PPP3CC: variants seen among roughly 807,000 people sequenced by gnomAD.
PPP3CC encodes the protein serine/threonine-protein phosphatase 2B catalytic subunit gamma isoform.
A neutral mutation model predicts 60.3 loss-of-function variants in PPP3CC; 35 were observed. The observed-to-expected ratio is 0.58, with a 90% CI of 0.44 to 0.77. PPP3CC has a LOEUF of 0.77. Ranked by LOEUF, PPP3CC falls within the 30% of genes least tolerant of loss-of-function variation. The pLI is 0.00. For missense variants in PPP3CC, 570 were observed against 628.9 expected (o/e 0.91, Z 1.00); for synonymous variants, 206 against 224.3 (o/e 0.92, Z 0.73).
chr8:22,540,841 A>C lies in PPP3CC; in HGVS notation c.*39A>C. 2.4e-5 allele frequency: 35 copies of C among 1,470,884 alleles called. No homozygotes were observed. The highest frequency in any genetic ancestry group is 2.7e-5 in the Non-Finnish European group (30 of 1,101,954). The allele number at this position is 1,470,884 out of a possible 1,614,324, so 91.1% of individuals were successfully genotyped here. On this transcript the variant is annotated 3_prime_UTR_variant, in exon 14 of 14. Transcript: ENST00000240139. Reference sequence around the variant, plus strand: ...CGTGGCTCAGGTGGATCTAAAACTCAAGAACAAATTCTATTTATTTATTAT... The same window carrying C: ...CGTGGCTCAGGTGGATCTAAAACTCCAGAACAAATTCTATTTATTTATTAT...
chr8:22,463,789 CTTT>C (rs903248905), intron 1 of PPP3CC, among the ~76,000 whole-genome samples: 4 of 140,648 alleles, frequency 2.8e-5, no homozygotes, highest in Non-Finnish European at 4.7e-5. Context: ...TGTATGTTTT[CTTT>C]TTTTTTTTTT....
intron 3 of PPP3CC, among the ~76,000 whole-genome samples, chr8:22,490,507 G>T (rs376715883): frequency 3.3e-5 from 5 of 152,026 alleles, no homozygotes; most frequent in African/African-American, 1.2e-4. Flanking sequence ...CAACGTGCAG[G>T]TTTGTTACAT....
intron 6 of PPP3CC, among the ~76,000 whole-genome samples, chr8:22,515,637 G>T (rs898549238): frequency 3.9e-5 from 6 of 152,090 alleles, no homozygotes; most frequent in Non-Finnish European, 4.4e-5. Flanking sequence ...ATTTGTCATT[G>T]CCTGTCTTTT....
intron 13 of PPP3CC, 152 bp downstream of exon 13, chr8:22,539,650 G>A (rs1839916727): frequency 1.3e-6 from 1 of 780,814 alleles, no homozygotes; most frequent in East Asian, 2.8e-5. Context: ...TAACGAAGCA[G>A]GTGTTTCCTT....
chr8:22,539,371 C>CGG, intron 12 of PPP3CC, 98 bp from the exon 13 acceptor site: 1 of 1,272,942 alleles, frequency 7.9e-7, no homozygotes. Flanking sequence ...GGCTAAAAAA[C>CGG]GGGCCCCTGG....
At chr8:22,487,215 T>C (rs757441661) in intron 3 of PPP3CC, among the ~76,000 whole-genome samples, 9 of 152,190 alleles carry the variant, frequency 5.9e-5, no homozygotes, top group Non-Finnish European at 1.2e-4. Context: ...TTCTCACACA[T>C]GAAGTAACTG....
At chr8:22,457,830 G>T (rs1010743108) in intron 1 of PPP3CC, among the ~76,000 whole-genome samples, 4 of 152,244 alleles carry the variant, frequency 2.6e-5, no homozygotes, top group African/African-American at 7.2e-5. Flanking sequence ...AGTGGCTTAC[G>T]CCTGTAATCC....
chr8:22,527,510 G>C lies in PPP3CC; in HGVS notation c.1062G>C (p.Gly354=). 2 of 1,613,602 alleles carry C rather than the reference G, an allele frequency of 1.2e-6. No individual in the cohort carries two copies. Among genetic ancestry groups the C allele is most frequent in the Non-Finnish European group, 1.7e-6 (2 of 1,179,844 alleles). ...DVFTWSLPFV[G]EKVTEMLVNV... ...TCACATGGTCTTTGCCTTTTGTTGG[G>C]GAAAAAGGTAAGAGAACTAAAGCAC... The change falls in exon 9 of 14, where the codon GGG becomes GGC. Residue 354 remains glycine (G), a synonymous_variant. Coordinates refer to ENST00000240139, the MANE Select transcript of PPP3CC (RefSeq NM_005605.5).
At chr8:22,460,783 C>T (rs1031481554) in intron 1 of PPP3CC, among the ~76,000 whole-genome samples, 1 of 152,084 alleles carries the variant, frequency 6.6e-6, no homozygotes, top group East Asian at 1.9e-4. Context: ...AGCTGCACAC[C>T]ATCCAGCCTG....
chr8:22,520,328 G>A (rs536996466), intron 6 of PPP3CC, among the ~76,000 whole-genome samples: 4 of 152,092 alleles, frequency 2.6e-5, no homozygotes, highest in Admixed American at 1.3e-4. Context: ...AGACCTTTGG[G>A]CTTCATGAAT....
At chr8:22,449,220 G>A (rs1048903209) in intron 1 of PPP3CC, among the ~76,000 whole-genome samples, 4 of 152,048 alleles carry the variant, frequency 2.6e-5, no homozygotes, top group Non-Finnish European at 4.4e-5. Flanking sequence ...AGGCCAAGGC[G>A]GCTGGATCAC....
rs1486484892 is a variant in PPP3CC, at chr8:22,490,113, G to C, written c.373-7888G>C. Among the ~76,000 whole-genome samples, 5 of 152,070 alleles carry C rather than the reference G, an allele frequency of 3.3e-5. No homozygotes were observed. The South Asian group carries it at 1.0e-3, about 32-fold the overall frequency. The stretch of plus-strand genomic sequence containing the variant: ...GCTGGGATTATAGGCGTGAGCTGCC[G>C]TGCTGAGCCAATACATCTAATATAT... On this transcript the variant is annotated intron_variant, in intron 3 of 13. Transcript: ENST00000240139.
intron 1 of PPP3CC, among the ~76,000 whole-genome samples, chr8:22,473,152 C>CT (rs1198552510): frequency 6.6e-6 from 1 of 152,090 alleles, no homozygotes; most frequent in Non-Finnish European, 1.5e-5. Flanking sequence ...TAGATTAAGT[C>CT]TTTTAAAAAT....
At chr8:22,472,179 A>C (rs978902153) in intron 1 of PPP3CC, among the ~76,000 whole-genome samples, 21 of 151,968 alleles carry the variant, frequency 1.4e-4, no homozygotes, top group African/African-American at 4.8e-4. Flanking sequence ...CTTACTGTTA[A>C]GTTTTTACTT....
At chr8:22,480,825 G>A (rs1270335955) in intron 3 of PPP3CC, among the ~76,000 whole-genome samples, 1 of 152,212 alleles carries the variant, frequency 6.6e-6, no homozygotes, top group Non-Finnish European at 1.5e-5. Context: ...GCTGGTCACA[G>A]TGGCTTAAGC....
intron 1 of PPP3CC, among the ~76,000 whole-genome samples, chr8:22,441,702 G>A (rs549489887): frequency 6.6e-6 from 1 of 152,264 alleles, no homozygotes; most frequent in Non-Finnish European, 1.5e-5. Context: ...GGGTGCAGTG[G>A]GGACTTCTTC....
chr8:22,441,511 T>G, intron 1 of PPP3CC, 53 bp downstream of exon 1: 1 of 1,488,098 alleles, frequency 6.7e-7, no homozygotes, highest in South Asian at 1.3e-5. Flanking sequence ...GGCCTTCGGC[T>G]GGGCGGCGGC....
At chr8:22,480,003 T>C (rs553118844) in intron 3 of PPP3CC, among the ~76,000 whole-genome samples, 1 of 152,232 alleles carries the variant, frequency 6.6e-6, no homozygotes, top group East Asian at 1.9e-4. Flanking sequence ...GTTTCTTTAT[T>C]AGAGTTGTGG....
chr8:22,510,044 C>T (rs1374757252), intron 4 of PPP3CC, among the ~76,000 whole-genome samples: 3 of 151,794 alleles, frequency 2.0e-5, no homozygotes, highest in African/African-American at 7.3e-5. Context: ...ATTAGCCGGG[C>T]GTGGTGGCGT....
Sources: gnomAD v4.1 joint callset for allele counts (sites outside exome capture counted in the v4.1 genomes callset) on GRCh38, gnomAD v4.1.1 for gene constraint, MANE v1.5 for transcripts, NCBI Gene and HGNC (gene_info 2026-07-23, HGNC 2026-07-21) for gene names.